RTL4: variants seen among roughly 807,000 people sequenced by gnomAD.
RTL4 encodes retrotransposon Gag-like protein 4.
In RTL4, 4 loss-of-function variants were observed where a neutral mutation model predicts 5.3. The observed-to-expected ratio is 0.75, with a 90% confidence interval of 0.37 to 1.72. RTL4 has a LOEUF of 1.72. Among genes scored for constraint, RTL4 ranks in the 40% most tolerant of loss-of-function variants. The pLI is 0.04. For missense variants in RTL4, 260 were observed against 227.1 expected, an observed-to-expected ratio of 1.14 and a Z score of -0.93; for synonymous variants, 98 against 87.3, an observed-to-expected ratio of 1.12 and a Z score of -0.68.
At chrX:112,192,061 A>G in the RTL4 span, among the ~76,000 whole-genome samples, 1 of 99,220 alleles carries the variant, frequency 1.0e-5, no homozygotes. Context: ...TTGTTAGTGC[A>G]GAGAAATACT....
At chrX:112,313,882 G>A in the RTL4 span, among the ~76,000 whole-genome samples, 1 of 110,939 alleles carries the variant, frequency 9.0e-6, no homozygotes, top group Admixed American at 9.7e-5. Context: ...AAGAGGCTGA[G>A]GAGTTGAGTA....
chrX:112,217,724 G>T, the RTL4 span, among the ~76,000 whole-genome samples: 1 of 111,848 alleles, frequency 8.9e-6, no homozygotes. Context: ...TAATTGTTCT[G>T]CTTAACATAG....
At chrX:112,266,432 A>G in the RTL4 span, among the ~76,000 whole-genome samples, 1 of 110,634 alleles carries the variant, frequency 9.0e-6, no homozygotes, top group Admixed American at 9.6e-5. Flanking sequence ...TAAAAAGCCT[A>G]TGACAAATGT....
the RTL4 span, among the ~76,000 whole-genome samples, chrX:112,360,235 C>T: frequency 9.0e-6 from 1 of 111,178 alleles, no homozygotes; most frequent in Admixed American, 9.6e-5. Flanking sequence ...CCTTTTAAAT[C>T]AAATTGTGGA....
At chrX:112,232,273 G>A in the RTL4 span, among the ~76,000 whole-genome samples, 1 of 111,657 alleles carries the variant, frequency 9.0e-6, no homozygotes, top group Non-Finnish European at 1.9e-5. Context: ...AGGTGATACG[G>A]GGCAAGTTAG....
the RTL4 span, among the ~76,000 whole-genome samples, chrX:112,174,745 C>T: frequency 4.5e-4 from 43 of 95,035 alleles, no homozygotes; most frequent in South Asian, 1.2e-3. Flanking sequence ...CAGCACCTGT[C>T]GTTTCCTGAC....
At chrX:112,131,631 C>A in the RTL4 span, among the ~76,000 whole-genome samples, 1 of 111,730 alleles carries the variant, frequency 9.0e-6, no homozygotes, top group Non-Finnish European at 1.9e-5. Context: ...ACTATTAAAT[C>A]TCTCAAGTTG....
chrX:112,136,279 T>C, the RTL4 span, among the ~76,000 whole-genome samples: 1 of 111,910 alleles, frequency 8.9e-6, no homozygotes, highest in Non-Finnish European at 1.9e-5. Flanking sequence ...TGAACAGAGA[T>C]AATTGTCCTT....
the RTL4 span, among the ~76,000 whole-genome samples, chrX:112,107,453 T>C: frequency 8.9e-6 from 1 of 112,257 alleles, no homozygotes. Context: ...TATCATTTTC[T>C]TTTATCTTGA....
chrX:112,382,610 A>T, the RTL4 span, among the ~76,000 whole-genome samples: 1 of 112,622 alleles, frequency 8.9e-6, no homozygotes, highest in South Asian at 3.7e-4. Context: ...TAAGGATAGC[A>T]TTCCAAATAG....
the RTL4 span, among the ~76,000 whole-genome samples, chrX:112,128,276 C>T: frequency 4.5e-5 from 5 of 111,289 alleles, no homozygotes; most frequent in East Asian, 2.8e-4. Context: ...CATTTAGAGC[C>T]GATTGATTTG....
At chrX:112,381,605 AGAC>A in the RTL4 span, 1 of 1,195,883 alleles carries the variant, frequency 8.4e-7, no homozygotes. Flanking sequence ...TGAGCGAAGA[AGAC>A]AAGAATCAGC....
the RTL4 span, among the ~76,000 whole-genome samples, chrX:112,150,601 A>G: frequency 8.9e-6 from 1 of 112,136 alleles, no homozygotes; most frequent in Admixed American, 9.5e-5. Context: ...AAATTTTCAG[A>G]GTAAAAAATC....
At chrX:112,244,398 T>A in the RTL4 span, among the ~76,000 whole-genome samples, 7 of 112,063 alleles carry the variant, frequency 6.2e-5, no homozygotes, top group South Asian at 2.6e-3. Context: ...TGCATATATA[T>A]TTAGGATAAT....
the RTL4 span, among the ~76,000 whole-genome samples, chrX:112,334,612 G>T: frequency 1.8e-5 from 2 of 111,793 alleles, no homozygotes; most frequent in Non-Finnish European, 3.8e-5. Flanking sequence ...GTCTCCTGAA[G>T]AGCTGTGTCA....
the RTL4 span, among the ~76,000 whole-genome samples, chrX:112,309,825 T>C: frequency 6.6e-5 from 7 of 106,164 alleles, no homozygotes; most frequent in South Asian, 1.2e-3. Flanking sequence ...CATATATACA[T>C]ATATATACAT....
the RTL4 span, among the ~76,000 whole-genome samples, chrX:112,439,720 C>A: frequency 1.8e-5 from 2 of 111,290 alleles, no homozygotes; most frequent in African/African-American, 3.3e-5. Context: ...TGAGTGACTT[C>A]TTGCTCTGTT....
chrX:112,284,231 T>C, the RTL4 span, among the ~76,000 whole-genome samples: 4 of 108,421 alleles, frequency 3.7e-5, no homozygotes, highest in East Asian at 1.1e-3. Context: ...GGCAAGTCTT[T>C]GGCAGAAGAA....
the RTL4 span, among the ~76,000 whole-genome samples, chrX:112,179,677 T>C: frequency 8.9e-6 from 1 of 112,592 alleles, no homozygotes; most frequent in Non-Finnish European, 1.9e-5. Context: ...AGCCAGGTGC[T>C]ATTCTAGGCA....
Sources: gnomAD v4.1 joint callset for allele counts (sites outside exome capture counted in the v4.1 genomes callset) on GRCh38, gnomAD v4.1.1 for gene constraint, MANE v1.5 for transcripts, NCBI Gene and HGNC (gene_info 2026-07-23, HGNC 2026-07-21) for gene names.